The following PAPSS2 variants were observed in gnomAD, a reference collection of about 807,000 sequenced individuals.
PAPSS2 encodes the protein 3'-phosphoadenosine 5'-phosphosulfate synthase 2.
In PAPSS2, 61 loss-of-function variants were observed where a neutral mutation model predicts 66.5. That is an observed-to-expected ratio of 0.92 (90% CI 0.75 to 1.14). PAPSS2 has a LOEUF of 1.14. Ranked by LOEUF, PAPSS2 falls within the 50% of genes most tolerant of loss-of-function variation. PAPSS2 has a pLI of 0.00. For synonymous variants in PAPSS2, 289 were observed against 287.5 expected (o/e 1.01, Z -0.05); for missense variants, 708 against 789.6 (o/e 0.90, Z 1.24).
chr10:87,708,008 T>C (rs1853414151), intron 1 of PAPSS2, among the ~76,000 whole-genome samples: 1 of 152,240 alleles, frequency 6.6e-6, no homozygotes, highest in Non-Finnish European at 1.5e-5. Context: ...GAAATTCAAT[T>C]ACACACCGCA....
intron 9 of PAPSS2, among the ~76,000 whole-genome samples, chr10:87,736,919 C>T (rs1177031722): frequency 2.0e-5 from 3 of 152,144 alleles, no homozygotes; most frequent in Admixed American, 6.5e-5. Context: ...CCCCAGGCTG[C>T]ATGGCTGAGC....
intron 7 of PAPSS2, among the ~76,000 whole-genome samples, chr10:87,716,986 G>C (rs935529548): frequency 7.2e-5 from 11 of 152,170 alleles, no homozygotes; most frequent in Non-Finnish European, 1.2e-4. Context: ...TGAGGAAACT[G>C]CCTCAGATTA....
chr10:87,705,880 A>G, intron 1 of PAPSS2, among the ~76,000 whole-genome samples: 1 of 150,500 alleles, frequency 6.6e-6, no homozygotes, highest in Non-Finnish European at 1.5e-5. Context: ...ATTACAGGCA[A>G]GTGCCACCAC....
chr10:87,670,375 A>G (rs1273035302), intron 1 of PAPSS2, among the ~76,000 whole-genome samples: 1 of 152,222 alleles, frequency 6.6e-6, no homozygotes, highest in Non-Finnish European at 1.5e-5. Flanking sequence ...CAACCGATCA[A>G]TGAGGAGTGC....
chr10:87,699,273 T>C (rs1374767159), intron 1 of PAPSS2, among the ~76,000 whole-genome samples: 1 of 152,196 alleles, frequency 6.6e-6, no homozygotes, highest in East Asian at 1.9e-4. Flanking sequence ...ATATTTGCTC[T>C]CAAGATGTCA....
chr10:87,662,231 T>C (rs1852760903), intron 1 of PAPSS2, among the ~76,000 whole-genome samples: 1 of 152,112 alleles, frequency 6.6e-6, no homozygotes, highest in South Asian at 2.1e-4. Context: ...GCACCTACTG[T>C]ATGCCAGGTG....
intron 1 of PAPSS2, among the ~76,000 whole-genome samples, chr10:87,667,768 C>T (rs1759613245): frequency 6.6e-6 from 1 of 152,132 alleles, no homozygotes; most frequent in Non-Finnish European, 1.5e-5. Flanking sequence ...ATGCATATAG[C>T]CTGTGACAAT....
In PAPSS2 at chr10:87,714,191, A is replaced by G. The variant is rs1393873027; in HGVS notation, c.520+9A>G. On this transcript the variant is annotated intron_variant, in intron 4 of 12. Coordinates refer to ENST00000456849, the MANE Select transcript of PAPSS2 (RefSeq NM_001015880.2). ...AGCTGGGGAGATTAAAGGTAAGAGAATTGGCTAGTAGCGTCTACCAGTTAC... is the reference window on the plus strand; with the variant it reads ...AGCTGGGGAGATTAAAGGTAAGAGAGTTGGCTAGTAGCGTCTACCAGTTAC... 6.2e-7 allele frequency: 1 copy of G among 1,611,982 alleles called. No homozygotes were observed. Among genetic ancestry groups the G allele is most frequent in the Non-Finnish European group, 8.5e-7 (1 of 1,179,710 alleles).
At chr10:87,681,902 T>A (rs1853026314) in intron 1 of PAPSS2, among the ~76,000 whole-genome samples, 2 of 152,220 alleles carry the variant, frequency 1.3e-5, no homozygotes, top group Admixed American at 1.3e-4. Flanking sequence ...CTGAATACGA[T>A]TCCATTGTGT....
intron 1 of PAPSS2, among the ~76,000 whole-genome samples, chr10:87,665,709 G>A: frequency 6.6e-6 from 1 of 152,158 alleles, no homozygotes; most frequent in East Asian, 1.9e-4. Flanking sequence ...TTAGAGTGTA[G>A]GGTTTAGGAG....
chr10:87,660,819 A>C (rs958082367), intron 1 of PAPSS2, among the ~76,000 whole-genome samples: 8 of 68,940 alleles, frequency 1.2e-4, no homozygotes, highest in African/African-American at 2.0e-4. Flanking sequence ...AAAAAAAAAA[A>C]AAAAAAAAAA....
chr10:87,743,360 T>A lies in PAPSS2; in HGVS notation c.1223-13T>A. ...GTTTCTGTGACCTTCCTTCTTCTGC[T>A]TTCCTCTCCCAGATGCGGTGTTTGC... On this transcript the variant is annotated splice_polypyrimidine_tract_variant and intron_variant, in intron 10 of 12. Coordinates refer to ENST00000456849, the MANE Select transcript of PAPSS2 (RefSeq NM_001015880.2). 1 of 1,613,052 alleles carries A rather than the reference T, an allele frequency of 6.2e-7. No homozygotes were observed. Among genetic ancestry groups the A allele is most frequent in the East Asian group, 2.2e-5 (1 of 44,878 alleles).
intron 2 of PAPSS2, among the ~76,000 whole-genome samples, chr10:87,710,361 A>G (rs1034765910): frequency 2.6e-5 from 4 of 152,198 alleles, no homozygotes; most frequent in African/African-American, 9.6e-5. Context: ...AAGGACAGAC[A>G]GTGAGCAAGG....
chr10:87,687,488 A>C (rs1254654326), intron 1 of PAPSS2, among the ~76,000 whole-genome samples: 1 of 152,232 alleles, frequency 6.6e-6, no homozygotes, highest in Non-Finnish European at 1.5e-5. Flanking sequence ...AGAAAGACAA[A>C]TAGCATGTTC....
At chr10:87,688,945 G>A (rs1391694134) in intron 1 of PAPSS2, among the ~76,000 whole-genome samples, 2 of 148,616 alleles carry the variant, frequency 1.3e-5, no homozygotes, top group Non-Finnish European at 3.0e-5. Flanking sequence ...AAGAAAAGAT[G>A]GATAAATTTA....
intron 1 of PAPSS2, among the ~76,000 whole-genome samples, chr10:87,669,587 A>T (rs1176677935): frequency 1.3e-5 from 2 of 152,236 alleles, no homozygotes; most frequent in Non-Finnish European, 2.9e-5. Context: ...CTAGACATTA[A>T]AATTCCGATT....
chr10:87,708,055 C>T (rs1026961699), intron 1 of PAPSS2, among the ~76,000 whole-genome samples: 1 of 152,102 alleles, frequency 6.6e-6, no homozygotes, highest in African/African-American at 2.4e-5. Context: ...TTAATTTAAC[C>T]ATTATTATGG....
chr10:87,715,780 C>G lies in PAPSS2; in HGVS notation c.802C>G (p.Leu268Val). The change falls in exon 7 of 13, where the codon CTC becomes GTC. Residue 268 changes from leucine to valine, a missense_variant. Leu to Val is a conservative substitution (Grantham distance 32). Coordinates refer to ENST00000456849, the MANE Select transcript of PAPSS2 (RefSeq NM_001015880.2). The stretch of plus-strand genomic sequence containing the variant: ...TTTGAGCGAAGGCTGGGCCACTCCC[C>G]TCAAAGGTTTCATGCGGGAGAAGGA... Reference protein sequence around the residue: ...QVLSEGWATPLKGFMREKEYL... With the variant: ...QVLSEGWATPVKGFMREKEYL... 2 of 1,613,910 alleles carry G rather than the reference C, an allele frequency of 1.2e-6. No individual in the cohort carries two copies. The highest frequency in any genetic ancestry group is 8.5e-7 in the Non-Finnish European group (1 of 1,179,814).
At chr10:87,663,003 C>G (rs1852771436) in intron 1 of PAPSS2, among the ~76,000 whole-genome samples, 1 of 151,482 alleles carries the variant, frequency 6.6e-6, no homozygotes, top group Non-Finnish European at 1.5e-5. Context: ...CCCAGCCTCC[C>G]AAGTAGCTGG....
Sources: gnomAD v4.1 joint callset for allele counts (sites outside exome capture counted in the v4.1 genomes callset) on GRCh38, gnomAD v4.1.1 for gene constraint, MANE v1.5 for transcripts, NCBI Gene and HGNC (gene_info 2026-07-23, HGNC 2026-07-21) for gene names.